PTPRN2: variants seen among roughly 807,000 people sequenced by gnomAD.
PTPRN2 encodes the protein receptor-type tyrosine-protein phosphatase N2.
PTPRN2 carries 74 observed loss-of-function variants against 118.8 expected under a neutral mutation model. The observed-to-expected ratio is 0.62, with a 90% CI of 0.52 to 0.76. PTPRN2 has a LOEUF of 0.76. Among genes scored for constraint, PTPRN2 ranks in the 30% least tolerant of loss-of-function variants. The pLI is 0.00. For synonymous variants in PTPRN2, 641 were observed against 608.0 expected (o/e 1.05, Z -0.80); for missense variants, 1,481 against 1,394.4 (o/e 1.06, Z -0.99).
At chr7:158,337,611 C>T (rs1376175251) in intron 2 of PTPRN2, among the ~76,000 whole-genome samples, 1 of 111,452 alleles carries the variant, frequency 9.0e-6, no homozygotes, top group African/African-American at 3.3e-5. Context: ...ACACTCTCAC[C>T]ATAAGAGGAG....
At chr7:158,556,137 T>G (rs1826968978) in intron 1 of PTPRN2, among the ~76,000 whole-genome samples, 1 of 152,216 alleles carries the variant, frequency 6.6e-6, no homozygotes, top group Non-Finnish European at 1.5e-5. Context: ...TAGATGATGA[T>G]AGATAATGAT....
intron 15 of PTPRN2, among the ~76,000 whole-genome samples, chr7:157,604,819 G>A (rs977632402): frequency 6.6e-6 from 1 of 152,252 alleles, no homozygotes; most frequent in African/African-American, 2.4e-5. Flanking sequence ...TGTGTGATAT[G>A]AGAGCTGTCT....
rs552371213 is a variant in PTPRN2 at position 157,611,655 on chromosome 7, GGAA to G, written c.2345-7583_2345-7581del. Among the ~76,000 whole-genome samples, 294 of 152,278 alleles carry G rather than the reference GGAA, an allele frequency of 1.9e-3. 8 individuals carry two copies. Among genetic ancestry groups the G allele is most frequent in the Admixed American group, 0.016 (249 of 15,298 alleles). On this transcript the variant is annotated intron_variant, in intron 15 of 22. Coordinates refer to ENST00000389418, the MANE Select transcript of PTPRN2 (RefSeq NM_002847.5). The surrounding 1 kb of genome is among the most constrained non-coding windows in gnomAD (Gnocchi z 5.9). ...ATGCAATATGACTGGCGTGCTGTTA[GGAA>G]GAAGGACTCTGCACACCCACACGGG...
chr7:158,373,741 C>T (rs1454292915), intron 2 of PTPRN2, among the ~76,000 whole-genome samples: 10 of 152,358 alleles, frequency 6.6e-5, no homozygotes, highest in Non-Finnish European at 1.5e-5. Context: ...TGGAAATATT[C>T]AAATAAATAG....
intron 10 of PTPRN2, among the ~76,000 whole-genome samples, chr7:158,082,838 G>A (rs1384329205): frequency 1.3e-5 from 2 of 152,198 alleles, no homozygotes; most frequent in Non-Finnish European, 1.5e-5. Flanking sequence ...CATGCAAAAT[G>A]TCCTTGGAAG....
chr7:158,174,309 C>G (rs905217214), intron 5 of PTPRN2, among the ~76,000 whole-genome samples: 1 of 152,176 alleles, frequency 6.6e-6, no homozygotes, highest in South Asian at 2.1e-4. Context: ...ACTATCTCCA[C>G]CATCAACAGC....
At chr7:157,710,612 C>T (rs1303539966) in intron 12 of PTPRN2, among the ~76,000 whole-genome samples, 1 of 152,104 alleles carries the variant, frequency 6.6e-6, no homozygotes, top group Non-Finnish European at 1.5e-5. Flanking sequence ...GGACCGTGCA[C>T]AGCTCCCAGA....
intron 11 of PTPRN2, among the ~76,000 whole-genome samples, chr7:157,933,987 G>C (rs1799555215): frequency 6.6e-6 from 1 of 152,160 alleles, no homozygotes; most frequent in Non-Finnish European, 1.5e-5. Context: ...TTTTAAAGTA[G>C]GGGTGAGTCA....
chr7:158,277,672 C>G (rs1375880768), intron 3 of PTPRN2, among the ~76,000 whole-genome samples: 1 of 152,194 alleles, frequency 6.6e-6, no homozygotes, highest in Non-Finnish European at 1.5e-5. Flanking sequence ...TCTGGCCTTG[C>G]CTCCAAGTCT....
chr7:158,176,061 C>G (rs1424226031), intron 5 of PTPRN2, among the ~76,000 whole-genome samples: 2 of 152,228 alleles, frequency 1.3e-5, no homozygotes, highest in Admixed American at 6.5e-5. Context: ...GCACTGCTCT[C>G]AGCCCACCCT....
chr7:158,086,010 T>C (rs1431967572), intron 10 of PTPRN2, among the ~76,000 whole-genome samples: 1 of 152,228 alleles, frequency 6.6e-6, no homozygotes, highest in Non-Finnish European at 1.5e-5. Context: ...AGGCACATTG[T>C]AACCACGTGT....
chr7:157,584,924 G>A (rs1040026656), intron 17 of PTPRN2, among the ~76,000 whole-genome samples: 22 of 152,190 alleles, frequency 1.4e-4, no homozygotes, highest in African/African-American at 4.3e-4. Flanking sequence ...CTCTGGTTCC[G>A]AGAGAGTCAC....
At chr7:158,259,795 C>T (rs913892826) in intron 3 of PTPRN2, among the ~76,000 whole-genome samples, 4 of 146,762 alleles carry the variant, frequency 2.7e-5, no homozygotes, top group Admixed American at 7.0e-5. Flanking sequence ...CTGGTATACA[C>T]GTATTTGTCC....
intron 7 of PTPRN2, 61 bp from the exon 8 acceptor site, chr7:158,136,756 G>A (rs1160452429): frequency 1.9e-6 from 3 of 1,545,096 alleles, no homozygotes; most frequent in African/African-American, 2.7e-5. Context: ...GGGTGCCACA[G>A]ACATAAAAAG....
chr7:157,903,131 G>A lies in PTPRN2; in HGVS notation c.1724-4394C>T, dbSNP rs755354098. Among the ~76,000 whole-genome samples, 2 of 152,058 alleles carry A rather than the reference G, an allele frequency of 1.3e-5. No individual in the cohort carries two copies. Among genetic ancestry groups the A allele is most frequent in the Admixed American group, 6.6e-5 (1 of 15,264 alleles). On this transcript the variant is annotated intron_variant, in intron 11 of 22. Coordinates refer to ENST00000389418, the MANE Select transcript of PTPRN2 (RefSeq NM_002847.5). The surrounding 1 kb of genome is among the most constrained non-coding windows in gnomAD (Gnocchi z 4.2). ...ACCAGACATCATCAGAGAGCCACAC[G>A]CTGCCACACACTCTCGCACGGAAGT...
chr7:158,243,167 A>C (rs1167169001), intron 3 of PTPRN2, among the ~76,000 whole-genome samples: 3 of 152,246 alleles, frequency 2.0e-5, no homozygotes, highest in African/African-American at 7.2e-5. Context: ...TCCAGCTAGA[A>C]AGCACAGACG....
In PTPRN2 at chr7:157,656,444, G is replaced by T; in HGVS notation, c.2109C>A (p.Pro703=). Reference sequence around the variant, plus strand: ...AGGCGCTGCTGCGTGCGGAGGGGCTGGGGATCGGCCCGTCGCTGAACTGGG... The same window carrying T: ...AGGCGCTGCTGCGTGCGGAGGGGCTTGGGATCGGCCCGTCGCTGAACTGGG... ...VSSQFSDGPI[P]SPSARSSASS... The change falls in exon 14 of 23, where the codon CCC becomes CCA. Residue 703 remains proline, a synonymous_variant. Coordinates refer to ENST00000389418, the MANE Select transcript of PTPRN2 (RefSeq NM_002847.5). 6.4e-7 allele frequency: 1 copy of T among 1,554,492 alleles called. No individual in the cohort carries two copies.
chr7:158,491,854 A>G (rs1821474646), intron 1 of PTPRN2, among the ~76,000 whole-genome samples: 1 of 152,186 alleles, frequency 6.6e-6, no homozygotes, highest in Non-Finnish European at 1.5e-5. Context: ...CATTCTCTGC[A>G]TTATTTCTTC....
intron 12 of PTPRN2, among the ~76,000 whole-genome samples, chr7:157,853,935 C>T (rs1452401939): frequency 1.3e-5 from 2 of 152,152 alleles, no homozygotes; most frequent in African/African-American, 4.8e-5. Flanking sequence ...CACGGGGCAG[C>T]CACAGGGAAC....
Sources: allele counts gnomAD v4.1 joint callset (sites outside exome capture counted in the v4.1 genomes callset), GRCh38; gene constraint gnomAD v4.1.1; non-coding constraint Gnocchi (gnomAD v3.1); transcripts MANE v1.5; gene names NCBI Gene and HGNC (gene_info 2026-07-23, HGNC 2026-07-21).